TSPAN11: variants seen among roughly 807,000 people sequenced by gnomAD.
TSPAN11 encodes tetraspanin 11.
In TSPAN11, 29 loss-of-function variants were observed where a neutral mutation model predicts 32.9. That is an observed-to-expected ratio of 0.88 (90% confidence interval 0.66 to 1.20). The LOEUF is 1.20. Ranked by LOEUF, TSPAN11 falls within the 50% of genes most tolerant of loss-of-function variation. The pLI is 0.00. For missense variants in TSPAN11, 283 were observed against 329.1 expected, an observed-to-expected ratio of 0.86 and a Z score of 1.08; for synonymous variants, 140 against 141.3, an observed-to-expected ratio of 0.99 and a Z score of 0.07.
chr12:30,981,338 G>T (rs1044643327), intron 5 of TSPAN11, among the ~76,000 whole-genome samples: 1 of 151,278 alleles, frequency 6.6e-6, no homozygotes, highest in Admixed American at 6.6e-5. Context: ...GCGTGATGGT[G>T]GAAGCAGGTG....
At chr12:30,946,358 C>G (rs763687946) in intron 1 of TSPAN11, among the ~76,000 whole-genome samples, 2 of 152,198 alleles carry the variant, frequency 1.3e-5, no homozygotes, top group Non-Finnish European at 2.9e-5. Flanking sequence ...AATTCTGAGA[C>G]TTGCTCAGGA....
the TSPAN11 span, among the ~76,000 whole-genome samples, chr12:31,009,878 T>C: frequency 6.6e-5 from 10 of 152,314 alleles, no homozygotes; most frequent in Non-Finnish European, 1.5e-4. Context: ...TTGAAACTAA[T>C]AATATCCAAA....
intron 1 of TSPAN11, among the ~76,000 whole-genome samples, chr12:30,948,178 T>G (rs1938307793): frequency 6.6e-6 from 1 of 152,094 alleles, no homozygotes; most frequent in Non-Finnish European, 1.5e-5. Flanking sequence ...CTTTGCAGGG[T>G]ACAGCTGCTT....
chr12:30,931,628 C>T (rs1381231706), intron 1 of TSPAN11, among the ~76,000 whole-genome samples: 1 of 151,888 alleles, frequency 6.6e-6, no homozygotes, highest in Non-Finnish European at 1.5e-5. Context: ...GCCTGTAATC[C>T]CAGCACTTTG....
At chr12:30,936,994 G>A (rs1938058359) in intron 1 of TSPAN11, among the ~76,000 whole-genome samples, 1 of 152,216 alleles carries the variant, frequency 6.6e-6, no homozygotes, top group Admixed American at 6.5e-5. Flanking sequence ...ATGATGTTCA[G>A]ATCAAGGCAA....
chr12:30,982,792 G>A, intron 6 of TSPAN11, 102 bp downstream of exon 6: 3 of 1,450,766 alleles, frequency 2.1e-6, no homozygotes, highest in Middle Eastern at 2.5e-4. Context: ...GGGAAAAGCA[G>A]GACACATGTG....
chr12:30,945,299 A>G (rs1938244844), intron 1 of TSPAN11, among the ~76,000 whole-genome samples: 1 of 152,052 alleles, frequency 6.6e-6, no homozygotes, highest in Non-Finnish European at 1.5e-5. Flanking sequence ...TTATATGCCT[A>G]TGGCCCATCC....
At chr12:31,008,680 C>T in the TSPAN11 span, among the ~76,000 whole-genome samples, 5 of 152,350 alleles carry the variant, frequency 3.3e-5, no homozygotes, top group East Asian at 1.9e-4. Flanking sequence ...CCCGCTTTTC[C>T]GATTTGCAGG....
chr12:30,933,732 C>T (rs147223973), intron 1 of TSPAN11, among the ~76,000 whole-genome samples: 6 of 152,290 alleles, frequency 3.9e-5, no homozygotes, highest in Non-Finnish European at 4.4e-5. Flanking sequence ...AGGGGCTGCT[C>T]TGGGGACCCT....
intron 1 of TSPAN11, chr12:30,927,146 C>G (rs1252076173): frequency 2.8e-6 from 2 of 727,166 alleles, no homozygotes; most frequent in Non-Finnish European, 3.9e-6. Context: ...CATGTCTGTT[C>G]CTCTTGAAAA....
intron 4 of TSPAN11, chr12:30,979,079 T>C (rs1939033734): frequency 4.2e-6 from 1 of 235,796 alleles, no homozygotes; most frequent in Non-Finnish European, 8.3e-6. Context: ...GCCCTCTGAA[T>C]CGGGGATTCG....
At chr12:30,928,783 A>G (rs886868407) in intron 1 of TSPAN11, among the ~76,000 whole-genome samples, 3 of 151,962 alleles carry the variant, frequency 2.0e-5, no homozygotes, top group Non-Finnish European at 4.4e-5. Context: ...GCCTTTCCTG[A>G]TCCCCCATCT....
chr12:30,976,303 G>T (rs371517809), intron 3 of TSPAN11, among the ~76,000 whole-genome samples: 1 of 152,038 alleles, frequency 6.6e-6, no homozygotes, highest in South Asian at 2.1e-4. Context: ...TAAACTTTGC[G>T]TCCTACACGA....
the TSPAN11 span, among the ~76,000 whole-genome samples, chr12:31,005,414 G>A: frequency 6.6e-6 from 1 of 152,354 alleles, no homozygotes; most frequent in East Asian, 1.9e-4. Context: ...CGGAAGCACT[G>A]TGCTGCCTAC....
the TSPAN11 span, among the ~76,000 whole-genome samples, chr12:31,014,028 A>G: frequency 2.6e-5 from 4 of 152,384 alleles, no homozygotes; most frequent in African/African-American, 9.6e-5. Context: ...AATAAAATAT[A>G]TCACTAATTT....
chr12:30,972,917 G>A (rs1353558622), intron 3 of TSPAN11, among the ~76,000 whole-genome samples: 1 of 151,980 alleles, frequency 6.6e-6, no homozygotes, highest in Non-Finnish European at 1.5e-5. Flanking sequence ...ATGCGCCCAG[G>A]GAGGGCTTCC....
chr12:30,934,595 G>A (rs931946926), intron 1 of TSPAN11, among the ~76,000 whole-genome samples: 2 of 151,882 alleles, frequency 1.3e-5, no homozygotes, highest in African/African-American at 2.4e-5. Flanking sequence ...CTTTGAATGC[G>A]GCCCAACACA....
chr12:30,980,794 C>T (rs1210531188), intron 5 of TSPAN11, among the ~76,000 whole-genome samples: 1 of 152,186 alleles, frequency 6.6e-6, no homozygotes, highest in Non-Finnish European at 1.5e-5. Context: ...ACTCGCACCC[C>T]ATGGGCTTAG....
At chr12:30,957,244 C>A (rs866484292) in intron 2 of TSPAN11, among the ~76,000 whole-genome samples, 2 of 104,666 alleles carry the variant, frequency 1.9e-5, no homozygotes, top group Non-Finnish European at 3.9e-5. Context: ...CCCCCCCCCA[C>A]ACCATGGTCT....
Sources: allele counts gnomAD v4.1 joint callset (sites outside exome capture counted in the v4.1 genomes callset), GRCh38; gene constraint gnomAD v4.1.1; transcripts MANE v1.5; gene names NCBI Gene and HGNC (gene_info 2026-07-23, HGNC 2026-07-21).